TMPRSS2: variants seen among roughly 807,000 people sequenced by gnomAD.
TMPRSS2 encodes transmembrane serine protease 2, also known as transmembrane protease serine 2.
In TMPRSS2, 59 loss-of-function variants were observed where a neutral mutation model predicts 67.4. The observed-to-expected ratio is 0.88, with a 90% CI of 0.71 to 1.09. The LOEUF (loss-of-function observed/expected upper bound fraction) is 1.09. Ranked by LOEUF, TMPRSS2 falls within the 50% of genes least tolerant of loss-of-function variation. The probability of loss-of-function intolerance (pLI) is 0.00; values close to 1 mark genes in which losing one functional copy is unlikely to be tolerated. For synonymous variants in TMPRSS2, 257 were observed against 257.0 expected, an observed-to-expected ratio of 1.00 and a Z score of 0.00; for missense variants, 668 against 642.7, an observed-to-expected ratio of 1.04 and a Z score of -0.43.
rs1211420669 is a variant in TMPRSS2, at chr21:41,465,033, C to G, written c.*1109G>C. The G allele has an allele frequency of 4.3e-6, 1 of 233,304 alleles. No individual in the cohort carries two copies. Among genetic ancestry groups the G allele is most frequent in the Admixed American group, 5.6e-5 (1 of 17,788 alleles). The allele number at this position is 233,304 out of a possible 1,614,324, so 14.5% of individuals were successfully genotyped here. A position where few individuals can be genotyped will look rare whatever the true frequency, so the allele number is the denominator to read the frequency against. On this transcript the variant is annotated 3_prime_UTR_variant, in exon 14 of 14. Transcript: ENST00000332149. Reference sequence around the variant, plus strand: ...CCAAAACAAAACACATCTTTCTCTTCTTCGCCGCCACCATGGGCACTTTGC... The same window carrying G: ...CCAAAACAAAACACATCTTTCTCTTGTTCGCCGCCACCATGGGCACTTTGC...
At chr21:41,470,907 T>C (rs455922) in intron 10 of TMPRSS2, among the ~76,000 whole-genome samples, 164 bp from the exon 11 acceptor site, 145,574 of 152,234 alleles carry the variant, frequency 0.96, 70,180 homozygotes, top group African/African-American at 0.99. Context: ...CTGCCAGACC[T>C]CTCCTTCTGG....
chr21:41,507,253 G>T (rs771080726), intron 1 of TMPRSS2, among the ~76,000 whole-genome samples: 27 of 152,308 alleles, frequency 1.8e-4, no homozygotes, highest in Admixed American at 6.5e-4. Flanking sequence ...CCACTGTGCC[G>T]AGCCGGGCAG....
At chr21:41,468,742 A>G in intron 11 of TMPRSS2, 1 of 555,082 alleles carries the variant, frequency 1.8e-6, no homozygotes, top group East Asian at 2.9e-5. Context: ...GCCTGTGCTG[A>G]ATGCAGCTCT....
rs552725417 is a variant in TMPRSS2, at chr21:41,495,550, G to A, written c.16-972C>T. Among the ~76,000 whole-genome samples the A allele has an allele frequency of 1.8e-4, 27 of 151,704 alleles. 1 individual carries two copies. Among genetic ancestry groups the A allele is most frequent in the African/African-American group, 5.6e-4 (23 of 41,336 alleles). On this transcript the variant is annotated intron_variant, in intron 2 of 13. Transcript: ENST00000332149. ...CGAGGCGGGAGAATTGCTTGAACCC[G>A]GGAGGCGGAAGTTGCAGTGAATGGA...
chr21:41,491,047 T>C (rs1174315700), intron 3 of TMPRSS2, among the ~76,000 whole-genome samples: 1 of 152,012 alleles, frequency 6.6e-6, no homozygotes, highest in Non-Finnish European at 1.5e-5. Flanking sequence ...AATTCTACCA[T>C]CACTCTCAAA....
intron 1 of TMPRSS2, among the ~76,000 whole-genome samples, chr21:41,501,475 G>T (rs1249717623): frequency 6.6e-6 from 1 of 152,078 alleles, no homozygotes; most frequent in African/African-American, 2.4e-5. Context: ...TGGGTATGAT[G>T]GTGGGTGCCT....
chr21:41,508,076 C>T lies in TMPRSS2; in HGVS notation c.-57+5G>A, dbSNP rs1025974684. On this transcript the variant is annotated splice_donor_5th_base_variant and intron_variant, in intron 1 of 13. Coordinates refer to ENST00000332149, the MANE Select transcript of TMPRSS2 (RefSeq NM_005656.4). ...AGCCGGGACCCTGGTACCGGCGCCG[C>T]TCACCTGCCGCGCTCCAGGCGGCGC... is the stretch of plus-strand genomic sequence containing the variant. The T allele has an allele frequency of 7.8e-7, 1 of 1,278,618 alleles. No individual in the cohort carries two copies. Among genetic ancestry groups the T allele is most frequent in the Non-Finnish European group, 9.9e-7 (1 of 1,007,578 alleles). The allele number at this position is 1,278,618 out of a possible 1,614,324, so 79.2% of individuals were successfully genotyped here. A position where few individuals can be genotyped will look rare whatever the true frequency, so the allele number is the denominator to read the frequency against.
intron 3 of TMPRSS2, among the ~76,000 whole-genome samples, chr21:41,493,697 G>A (rs1170729276): frequency 6.6e-6 from 1 of 152,252 alleles, no homozygotes; most frequent in Non-Finnish European, 1.5e-5. Flanking sequence ...AGTGCAAGAG[G>A]GGCGGACTGG....
chr21:41,468,291 C>T, intron 12 of TMPRSS2, 105 bp downstream of exon 12: 9 of 1,448,164 alleles, frequency 6.2e-6, no homozygotes, highest in East Asian at 2.3e-5. Flanking sequence ...GAGCTGGCTC[C>T]GTGTCACTGA....
chr21:41,471,788 A>T lies in TMPRSS2; in HGVS notation c.1075+18T>A, dbSNP rs1474515109. On this transcript the variant is annotated intron_variant, in intron 10 of 13. Coordinates refer to ENST00000332149, the MANE Select transcript of TMPRSS2 (RefSeq NM_005656.4). ...TAAGATTCTGCCAACCTGCTTGCCA[A>T]GCCTGAGCCACACGTACCGTTGAAA... 20 of 1,575,946 alleles carry T rather than the reference A, an allele frequency of 1.3e-5. No homozygotes were observed. The highest frequency in any genetic ancestry group is 1.7e-5 in the Non-Finnish European group (20 of 1,156,542).
At chr21:41,468,225 T>C in intron 12 of TMPRSS2, 171 bp downstream of exon 12, 1 of 787,478 alleles carries the variant, frequency 1.3e-6, no homozygotes, top group Non-Finnish European at 2.0e-6. Context: ...CTGTACTTCC[T>C]TCTGCCACCA....
intron 1 of TMPRSS2, 122 bp from the exon 2 acceptor site, chr21:41,498,311 TGCTGACCTTTG>T: frequency 1.6e-6 from 1 of 644,560 alleles, no homozygotes; most frequent in Non-Finnish European, 2.7e-6. Flanking sequence ...CAGTGTTGCC[TGCTGACCTTTG>T]GCCTGCATCT....
At chr21:41,499,443 T>G (rs1371436987) in intron 1 of TMPRSS2, among the ~76,000 whole-genome samples, 1 of 152,178 alleles carries the variant, frequency 6.6e-6, no homozygotes, top group Non-Finnish European at 1.5e-5. Flanking sequence ...CCTTGCTCAG[T>G]CAGTTTAGCC....
intron 7 of TMPRSS2, 128 bp from the exon 8 acceptor site, chr21:41,476,748 G>T: frequency 1.2e-6 from 1 of 833,844 alleles, no homozygotes; most frequent in Non-Finnish European, 2.0e-6. Context: ...GGGTCTGCTA[G>T]TTACAACTCC....
At chr21:41,506,729 C>T (rs1212364046) in intron 1 of TMPRSS2, 2 of 152,388 alleles carry the variant, frequency 1.3e-5, no homozygotes. Context: ...AGTACCTTCC[C>T]AGATCTCCTG....
At chr21:41,470,836 C>A in intron 10 of TMPRSS2, 93 bp from the exon 11 acceptor site, 1 of 969,752 alleles carries the variant, frequency 1.0e-6, no homozygotes, top group Non-Finnish European at 1.5e-6. Context: ...GCCTGGCACC[C>A]TGGCCACCCT....
chr21:41,480,667 C>T, intron 5 of TMPRSS2, 65 bp from the exon 6 acceptor site: 1 of 1,571,630 alleles, frequency 6.4e-7, no homozygotes, highest in Non-Finnish European at 8.6e-7. Flanking sequence ...GAGACGGAGT[C>T]TCGCTCTGTC....
intron 4 of TMPRSS2, 29 bp downstream of exon 4, chr21:41,489,478 A>G: frequency 6.2e-7 from 1 of 1,602,218 alleles, no homozygotes; most frequent in Non-Finnish European, 8.5e-7. Flanking sequence ...GCAGGAGCAC[A>G]TGGTGGGATC....
chr21:41,507,843 G>T, intron 1 of TMPRSS2: 2 of 1,260,908 alleles, frequency 1.6e-6, no homozygotes, highest in Non-Finnish European at 2.1e-6. Flanking sequence ...GGGGCGGCGA[G>T]GGCTCTCGGC....
Sources: allele counts gnomAD v4.1 joint callset (sites outside exome capture counted in the v4.1 genomes callset), GRCh38; gene constraint gnomAD v4.1.1; transcripts MANE v1.5; gene names NCBI Gene and HGNC (gene_info 2026-07-23, HGNC 2026-07-21).